Variants in EFCAB6 observed in about 807,000 individuals in gnomAD.
The protein encoded by EFCAB6 is EF-hand calcium-binding domain-containing protein 6.
EFCAB6 carries 156 observed loss-of-function variants against 169.8 expected under a neutral mutation model. The ratio of observed to expected loss-of-function variants is 0.92; its 90% CI spans 0.81 to 1.05. EFCAB6 has a LOEUF of 1.05. Ranked by LOEUF, EFCAB6 falls within the 50% of genes least tolerant of loss-of-function variation. The pLI, the probability that EFCAB6 is intolerant of heterozygous loss-of-function variation, is 0.00. For missense variants in EFCAB6, 1,800 were observed against 1,829.1 expected (o/e 0.98, Z 0.29); for synonymous variants, 698 against 676.4 (o/e 1.03, Z -0.50).
At chr22:43,653,802 G>A (rs1357542678) in intron 17 of EFCAB6, among the ~76,000 whole-genome samples, 2 of 152,108 alleles carry the variant, frequency 1.3e-5, no homozygotes, top group Admixed American at 1.3e-4. Context: ...GGGGGAGGGC[G>A]CACTTTCATG....
intron 26 of EFCAB6, among the ~76,000 whole-genome samples, chr22:43,569,283 G>A (rs112709150): frequency 4.6e-5 from 7 of 152,372 alleles, no homozygotes; most frequent in African/African-American, 1.7e-4. Flanking sequence ...AAGTGAGAGT[G>A]AATCTCAGCA....
At chr22:43,618,169 A>AAGGAAGGAAGGAAGGAAG (rs1277847574) in intron 20 of EFCAB6, among the ~76,000 whole-genome samples, 450 of 30,228 alleles carry the variant, frequency 0.015, 5 homozygotes, top group African/African-American at 0.032. Flanking sequence ...AAGGAAGGAA[A>AAGGAAGGAAGGAAGGAAG]GAAAGAAAGA....
chr22:43,715,667 T>C (rs2059310278), intron 9 of EFCAB6, among the ~76,000 whole-genome samples: 1 of 152,264 alleles, frequency 6.6e-6, no homozygotes, highest in Non-Finnish European at 1.5e-5. Context: ...TCACCAAATG[T>C]TGCCTTTGAT....
rs1226581072 is a variant in EFCAB6, at chr22:43,784,718, CAT to C, written c.-7-2395_-7-2394del. 1.3e-3 allele frequency among the ~76,000 whole-genome samples: 148 copies of C among 112,206 alleles called. 1 individual carries two copies. Among genetic ancestry groups the C allele is most frequent in the African/African-American group, 4.2e-3 (121 of 28,988 alleles). 73.6% of individuals were successfully genotyped at this position (112,206 alleles called of 152,430 possible). On this transcript the variant is annotated intron_variant, in intron 2 of 31. Transcript: ENST00000262726. ...ACACACACACACACACACACACACACATATATATATATGCCAGGCATGGTGGC... is the reference window on the plus strand; with the variant it reads ...ACACACACACACACACACACACACACATATATATATGCCAGGCATGGTGGC...
rs2047458844 is a variant in EFCAB6 at position 43,537,616 on chromosome 22, T to C, written c.3880-71A>G. 6.7e-7 allele frequency: 1 copy of C among 1,491,524 alleles called. No homozygotes were observed. Among genetic ancestry groups the C allele is most frequent in the African/African-American group, 1.4e-5 (1 of 71,390 alleles). The allele number at this position is 1,491,524 out of a possible 1,614,324, so 92.4% of individuals were successfully genotyped here. A position where few individuals can be genotyped will look rare whatever the true frequency, so the allele number is the denominator to read the frequency against. On this transcript the variant is annotated intron_variant, in intron 28 of 31. Transcript: ENST00000262726. The surrounding 1 kb of genome is among the most constrained non-coding windows in gnomAD (Gnocchi z 4.3). The stretch of plus-strand genomic sequence containing the variant: ...ACGGAAGTCATCAAAAATACCTCAA[T>C]ACCTCCAGTTTTGAGGTTCACAATT...
intron 10 of EFCAB6, among the ~76,000 whole-genome samples, chr22:43,703,432 A>ATG (rs1445186966): frequency 6.6e-6 from 1 of 152,200 alleles, no homozygotes; most frequent in African/African-American, 2.4e-5. Flanking sequence ...TACCAACACG[A>ATG]TGACAGAAGG....
rs1408724972 is a variant in EFCAB6, at chr22:43,576,412, C to T, written c.3305G>A (p.Cys1102Tyr). Residue 1102 changes from cysteine (C) to tyrosine (Y), a missense_variant, in exon 26 of 32, where the codon TGT (cysteine) becomes TAT (tyrosine). Cys to Tyr is a radical substitution (Grantham distance 194). Coordinates refer to ENST00000262726, the MANE Select transcript of EFCAB6 (RefSeq NM_022785.4). Reference protein sequence around the residue: ...TEFGQVLKDFCYKLTDNQYHY... With the variant: ...TEFGQVLKDFYYKLTDNQYHY... ...ATACTGATTGTCCGTTAGTTTGTAA[C>T]AGAAATCCTTAAGAACTTGTCCGAA... 1.9e-6 allele frequency: 3 copies of T among 1,607,012 alleles called. No homozygotes were observed. Among genetic ancestry groups the T allele is most frequent in the African/African-American group, 1.3e-5 (1 of 74,464 alleles).
intron 4 of EFCAB6, among the ~76,000 whole-genome samples, chr22:43,766,851 T>C (rs2061339683): frequency 6.6e-6 from 1 of 152,158 alleles, no homozygotes; most frequent in African/African-American, 2.4e-5. Flanking sequence ...AGATTATTCC[T>C]TTTATTTATT....
rs1216408722 is a variant in EFCAB6 at position 43,809,011 on chromosome 22, A to C, written c.-24T>G. 1 of 152,394 alleles carries C rather than the reference A, an allele frequency of 6.6e-6. No homozygotes were observed. Among genetic ancestry groups the C allele is most frequent in the Middle Eastern group, 3.4e-3 (1 of 294 alleles). 9.4% of individuals were successfully genotyped at this position (152,394 alleles called of 1,614,324 possible). ...AAAACTTACTATTCAGAAATCTTCA[A>C]TCTCAAATATTCAGTTCAAATGCTA... is the stretch of plus-strand genomic sequence containing the variant. On this transcript the variant is annotated 5_prime_UTR_variant, in exon 2 of 32. Transcript: ENST00000262726.
At chr22:43,651,699 TA>T (rs2056477412) in intron 17 of EFCAB6, among the ~76,000 whole-genome samples, 1 of 152,208 alleles carries the variant, frequency 6.6e-6, no homozygotes, top group Admixed American at 6.5e-5. Context: ...AGGGAGGCTG[TA>T]CCCTGAAAAG....
At chr22:43,675,515 G>C (rs1173568273) in intron 13 of EFCAB6, among the ~76,000 whole-genome samples, 1 of 125,114 alleles carries the variant, frequency 8.0e-6, no homozygotes, top group African/African-American at 2.7e-5. Flanking sequence ...ATATAATATA[G>C]GATTTATTAA....
At chr22:43,755,724 G>T in intron 6 of EFCAB6, 42 bp downstream of exon 6, 1 of 1,522,332 alleles carries the variant, frequency 6.6e-7, no homozygotes, top group African/African-American at 1.4e-5. Flanking sequence ...TGCTGACAAT[G>T]GGTGGGGTGG....
chr22:43,540,728 GA>G (rs2047665924), intron 27 of EFCAB6, among the ~76,000 whole-genome samples: 1 of 152,160 alleles, frequency 6.6e-6, no homozygotes, highest in Non-Finnish European at 1.5e-5. Flanking sequence ...TCATCCCAGG[GA>G]AGCCCAGTCA....
chr22:43,530,581 T>G (rs2046997406), intron 31 of EFCAB6: 13 of 985,392 alleles, frequency 1.3e-5, no homozygotes, highest in Non-Finnish European at 1.6e-5. Context: ...GATGCAGGTA[T>G]GGGGCATCCA....
intron 3 of EFCAB6, among the ~76,000 whole-genome samples, chr22:43,780,425 T>TG (rs1465491105): frequency 7.2e-6 from 1 of 137,958 alleles, no homozygotes; most frequent in Non-Finnish European, 1.5e-5. Context: ...AGGCAGAGGT[T>TG]GCAGTTAGCC....
At chr22:43,703,623 A>G (rs1421386851) in intron 10 of EFCAB6, among the ~76,000 whole-genome samples, 1 of 152,140 alleles carries the variant, frequency 6.6e-6, no homozygotes, top group Non-Finnish European at 1.5e-5. Context: ...AAAGCAATAC[A>G]TGAAAAAAAA....
intron 31 of EFCAB6, among the ~76,000 whole-genome samples, chr22:43,530,299 GA>G (rs1290105809): frequency 6.6e-6 from 1 of 152,252 alleles, no homozygotes; most frequent in East Asian, 1.9e-4. Context: ...ATGTGGATTG[GA>G]AAACCACTGC....
At chr22:43,810,804 A>G (rs1253094693) in intron 1 of EFCAB6, among the ~76,000 whole-genome samples, 2 of 152,354 alleles carry the variant, frequency 1.3e-5, no homozygotes, top group Non-Finnish European at 2.9e-5. Flanking sequence ...GATAACTAAA[A>G]TAAAATCCTC....
intron 12 of EFCAB6, among the ~76,000 whole-genome samples, chr22:43,678,675 C>T (rs1569370125): frequency 6.6e-6 from 1 of 152,050 alleles, no homozygotes; most frequent in Non-Finnish European, 1.5e-5. Flanking sequence ...AAAATTTCAG[C>T]CATGCTGCAT....
Sources: allele counts gnomAD v4.1 joint callset (sites outside exome capture counted in the v4.1 genomes callset), GRCh38; gene constraint gnomAD v4.1.1; non-coding constraint Gnocchi (gnomAD v3.1); transcripts MANE v1.5; gene names NCBI Gene and HGNC (gene_info 2026-07-23, HGNC 2026-07-21).